PTPN1: variants seen among roughly 807,000 people sequenced by gnomAD.
The protein encoded by PTPN1 is tyrosine-protein phosphatase non-receptor type 1.
A neutral mutation model predicts 59.9 loss-of-function variants in PTPN1; 12 were observed. That is an observed-to-expected ratio of 0.20 (90% CI 0.13 to 0.32). The LOEUF (loss-of-function observed/expected upper bound fraction) is 0.32. PTPN1 is among the 10% of genes least tolerant of loss of function. The pLI is 1.00. For synonymous variants in PTPN1, 178 were observed against 203.6 expected (o/e 0.87, Z 1.07); for missense variants, 356 against 549.2 (o/e 0.65, Z 3.52).
chr20:50,530,418 G>A (rs973897999), intron 1 of PTPN1, among the ~76,000 whole-genome samples: 1 of 151,656 alleles, frequency 6.6e-6, no homozygotes, highest in Admixed American at 6.6e-5. Context: ...GTATGGTGGC[G>A]CGATCTTGGC....
chr20:50,579,970 C>T, intron 8 of PTPN1, 44 bp downstream of exon 8: 2 of 1,559,628 alleles, frequency 1.3e-6, no homozygotes, highest in East Asian at 2.2e-5. Context: ...GGGGAAATGA[C>T]TTTCTGTTCT....
intron 1 of PTPN1, among the ~76,000 whole-genome samples, chr20:50,531,407 C>T (rs771883668): frequency 1.1e-4 from 16 of 152,098 alleles, no homozygotes; most frequent in African/African-American, 3.9e-4. Context: ...GACTGAGTCT[C>T]GCTCTGTCAC....
intron 5 of PTPN1, among the ~76,000 whole-genome samples, chr20:50,576,178 G>C (rs779722800): frequency 1.3e-5 from 2 of 152,220 alleles, no homozygotes; most frequent in Non-Finnish European, 2.9e-5. Context: ...AACATGGGCA[G>C]TGTGTTGGAA....
Position 50,568,257 on chromosome 20 carries a change from GCCA to G in PTPN1, c.256-118_256-116del. 2 of 784,610 alleles carry G rather than the reference GCCA, an allele frequency of 2.5e-6. No individual in the cohort carries two copies. The highest frequency in any genetic ancestry group is 4.4e-6 in the Non-Finnish European group (2 of 456,378). The allele number at this position is 784,610 out of a possible 1,614,324, so 48.6% of individuals were successfully genotyped here. A position where few individuals can be genotyped will look rare whatever the true frequency, so the allele number is the denominator to read the frequency against. ...GAGGTGGGTCCCTGTCCCAGCCTCA[GCCA>G]CCACTCTGCCTAAGCTGTGGGGACT... is the stretch of plus-strand genomic sequence containing the variant. On this transcript the variant is annotated intron_variant, in intron 3 of 9. Coordinates refer to ENST00000371621, the MANE Select transcript of PTPN1 (RefSeq NM_002827.4). This position sits in a 1 kb window ranked among gnomAD's most constrained non-coding sequence, Gnocchi z 5.6.
chr20:50,520,286 G>A (rs745560224), intron 1 of PTPN1, among the ~76,000 whole-genome samples: 3 of 150,810 alleles, frequency 2.0e-5, no homozygotes, highest in Non-Finnish European at 4.4e-5. Context: ...CAGGAGAATC[G>A]CTTGAATCTG....
intron 1 of PTPN1, among the ~76,000 whole-genome samples, chr20:50,549,576 C>A (rs941366524): frequency 6.6e-6 from 1 of 152,160 alleles, no homozygotes; most frequent in Non-Finnish European, 1.5e-5. Flanking sequence ...TCAATGCTGA[C>A]CAGTTTTGCC....
intron 1 of PTPN1, among the ~76,000 whole-genome samples, chr20:50,540,141 C>T (rs1249425892): frequency 2.0e-5 from 3 of 152,108 alleles, no homozygotes; most frequent in East Asian, 1.9e-4. Flanking sequence ...CTGCAACCTC[C>T]GCCTCCCAGG....
At chr20:50,556,771 A>G (rs1220723523) in intron 1 of PTPN1, among the ~76,000 whole-genome samples, 3 of 152,080 alleles carry the variant, frequency 2.0e-5, no homozygotes, top group Non-Finnish European at 4.4e-5. Context: ...TCTGACCTAC[A>G]TGGTGAAACT....
In PTPN1 at chr20:50,584,731, C is replaced by T. The variant is rs2082890444; in HGVS notation, c.*2016C>T. 6.6e-6 allele frequency: 1 copy of T among 152,012 alleles called. No homozygotes were observed. Among genetic ancestry groups the T allele is most frequent in the African/African-American group, 2.4e-5 (1 of 41,384 alleles). 9.4% of individuals were successfully genotyped at this position (152,012 alleles called of 1,614,324 possible). On this transcript the variant is annotated 3_prime_UTR_variant, in exon 10 of 10. Transcript: ENST00000371621. ...TCATGATGGGTTTGCATTTTAGCTG[C>T]AACAATAAAATTTTTTTCTAAAGAA...
intron 6 of PTPN1, 85 bp from the exon 7 acceptor site, chr20:50,579,083 G>A (rs756085797): frequency 1.9e-5 from 27 of 1,427,712 alleles, no homozygotes; most frequent in Admixed American, 1.4e-4. Context: ...CATGAGATTG[G>A]GAGGGGACAG....
chr20:50,515,042 G>A (rs1014583070), intron 1 of PTPN1, among the ~76,000 whole-genome samples: 8 of 152,146 alleles, frequency 5.3e-5, no homozygotes, highest in Non-Finnish European at 1.5e-5. Context: ...GAGTGAAGCC[G>A]GTTACCCGTT....
Position 50,510,471 on chromosome 20 carries a change from G to C in PTPN1, c.-57G>C, listed in dbSNP as rs2082501097. ...GGGGCTAAGAGCGCGACGCGGCCTA[G>C]AGCGGCAGACGGCGCAGTGGGCCGA... On this transcript the variant is annotated 5_prime_UTR_variant, in exon 1 of 10. Coordinates refer to ENST00000371621, the MANE Select transcript of PTPN1 (RefSeq NM_002827.4). 2 of 1,539,288 alleles carry C rather than the reference G, an allele frequency of 1.3e-6. No homozygotes were observed. Among genetic ancestry groups the C allele is most frequent in the Admixed American group, 2.0e-5 (1 of 50,232 alleles).
At chr20:50,511,971 C>CT (rs927707703) in intron 1 of PTPN1, among the ~76,000 whole-genome samples, 13 of 151,096 alleles carry the variant, frequency 8.6e-5, no homozygotes, top group South Asian at 2.1e-4. Flanking sequence ...TAACAAAAGC[C>CT]TTTTTTTTTG....
intron 1 of PTPN1, among the ~76,000 whole-genome samples, chr20:50,534,219 C>A (rs142643687): frequency 1.3e-5 from 2 of 152,162 alleles, no homozygotes; most frequent in African/African-American, 4.8e-5. Context: ...CCACTGCACC[C>A]GGCCGAAGCT....
chr20:50,572,187 T>C (rs185794700), intron 4 of PTPN1: 41 of 152,370 alleles, frequency 2.7e-4, no homozygotes, highest in African/African-American at 9.4e-4. Context: ...ATGTTGGCAC[T>C]GCCATGTTCC....
At chr20:50,552,948 C>T (rs1422556186) in intron 1 of PTPN1, among the ~76,000 whole-genome samples, 3 of 152,108 alleles carry the variant, frequency 2.0e-5, no homozygotes, top group Non-Finnish European at 4.4e-5. Flanking sequence ...TTGTGACCAT[C>T]CTACTTATTA....
At position 50,585,065 on chromosome 20, in the gene PTPN1, C is replaced by T. The variant is rs2082893385; in HGVS notation, c.*2350C>T. On this transcript the variant is annotated 3_prime_UTR_variant, in exon 10 of 10. Transcript: ENST00000371621. ...AAACTTACCAGTGTTGTTTGAAGAA[C>T]AGTGTTTTGAGTTGTAATCTCAAAA... is the stretch of plus-strand genomic sequence containing the variant. The T allele has an allele frequency of 6.6e-6, 1 of 152,176 alleles. No homozygotes were observed. Among genetic ancestry groups the T allele is most frequent in the South Asian group, 2.1e-4 (1 of 4,836 alleles). 9.4% of individuals were successfully genotyped at this position (152,176 alleles called of 1,614,324 possible). A position where few individuals can be genotyped will look rare whatever the true frequency, so the allele number is the denominator to read the frequency against.
chr20:50,566,594 C>T (rs1335546852), intron 3 of PTPN1, among the ~76,000 whole-genome samples: 1 of 152,114 alleles, frequency 6.6e-6, no homozygotes, highest in African/African-American at 2.4e-5. Flanking sequence ...GTGCCCAAAC[C>T]AAGAACACCC....
intron 1 of PTPN1, among the ~76,000 whole-genome samples, chr20:50,520,217 C>G (rs951948884): frequency 8.6e-5 from 13 of 151,714 alleles, no homozygotes; most frequent in African/African-American, 2.7e-4. Flanking sequence ...ACTAAAAATA[C>G]AAAATTAGCC....
Sources: gnomAD v4.1 joint callset for allele counts (sites outside exome capture counted in the v4.1 genomes callset) on GRCh38, gnomAD v4.1.1 for gene constraint, Gnocchi (gnomAD v3.1) non-coding constraint, MANE v1.5 for transcripts, NCBI Gene and HGNC (gene_info 2026-07-23, HGNC 2026-07-21) for gene names.